The following SYNE1 variants were observed in gnomAD, a reference collection of about 807,000 sequenced individuals.
The protein encoded by SYNE1 is spectrin repeat containing nuclear envelope protein 1.
Under a neutral mutation model 1,111.0 loss-of-function variants are expected in SYNE1, and 616 were observed. The observed-to-expected ratio is 0.55, with a 90% CI of 0.52 to 0.59. The LOEUF (loss-of-function observed/expected upper bound fraction) is 0.59. SYNE1 is among the 20% of genes least tolerant of loss of function. The pLI is 0.00. For missense variants in SYNE1, 10,006 were observed against 10,417.0 expected (o/e 0.96, Z 1.72); for synonymous variants, 3,855 against 3,825.8 (o/e 1.01, Z -0.28).
chr6:152,607,833 C>A (rs990326204), intron 3 of SYNE1, among the ~76,000 whole-genome samples: 1 of 152,178 alleles, frequency 6.6e-6, no homozygotes, highest in African/African-American at 2.4e-5. Context: ...TACATATACA[C>A]CATGGAATGC....
chr6:152,461,587 A>C lies in SYNE1; in HGVS notation c.2394+10T>G, dbSNP rs1199237484. The C allele has an allele frequency of 6.2e-7, 1 of 1,613,848 alleles. No individual in the cohort carries two copies. Among genetic ancestry groups the C allele is most frequent in the Non-Finnish European group, 8.5e-7 (1 of 1,179,888 alleles). On this transcript the variant is annotated intron_variant, in intron 21 of 145. Coordinates refer to ENST00000367255, the MANE Select transcript of SYNE1 (RefSeq NM_182961.4). ...CACACAGCCTATTGTGCATTAAATT[A>C]TTTTCGCACCTTGGTTAGCTGCTCT...
At chr6:152,595,841 T>C (rs1174953892) in intron 3 of SYNE1, among the ~76,000 whole-genome samples, 5 of 152,160 alleles carry the variant, frequency 3.3e-5, no homozygotes, top group Non-Finnish European at 7.3e-5. Context: ...GTTGGGTCTA[T>C]GTTCTCTAAG....
At chr6:152,539,834 A>C (rs548722023) in intron 4 of SYNE1, 126 bp downstream of exon 4, 5 of 1,086,524 alleles carry the variant, frequency 4.6e-6, no homozygotes, top group Middle Eastern at 2.0e-4. Context: ...AGACCAACCA[A>C]TAAGATTACA....
In SYNE1 at chr6:152,321,842, T is replaced by C. The variant is rs756393345; in HGVS notation, c.15962A>G (p.Glu5321Gly). 6.2e-7 allele frequency: 1 copy of C among 1,614,096 alleles called. No homozygotes were observed. The highest frequency in any genetic ancestry group is 1.1e-5 in the South Asian group (1 of 91,078). ...CTCCACCATTTCTCGGTCCTTCAGC[T>C]CTTGCTTCACCAACTTTCCATTAGT... ...VKTNGKLVKQ[E>G]LKDREMVETQ... is the part of the protein sequence containing the mutation. Residue 5321 changes from glutamate (E) to glycine (G), a missense_variant, in exon 83 of 146, where the codon GAG becomes GGG. Transcript: ENST00000367255.
intron 3 of SYNE1, among the ~76,000 whole-genome samples, chr6:152,576,920 G>A (rs1337175166): frequency 6.6e-6 from 1 of 152,186 alleles, no homozygotes; most frequent in Non-Finnish European, 1.5e-5. Flanking sequence ...AAAATAGATT[G>A]GGGTCTAAAG....
intron 32 of SYNE1, among the ~76,000 whole-genome samples, chr6:152,437,916 TC>T (rs1252840190): frequency 6.6e-6 from 1 of 152,180 alleles, no homozygotes; most frequent in Non-Finnish European, 1.5e-5. Context: ...GACTTAATGT[TC>T]TCATAGAAAT....
chr6:152,125,660 C>G (rs2053149776), intron 145 of SYNE1: 1 of 249,524 alleles, frequency 4.0e-6, no homozygotes, highest in Non-Finnish European at 7.6e-6. Context: ...AAGAGAGCTC[C>G]CACAATTCCT....
At chr6:152,133,172 T>C (rs2056262506) in intron 143 of SYNE1, 104 bp downstream of exon 143, 2 of 1,113,640 alleles carry the variant, frequency 1.8e-6, no homozygotes, top group Middle Eastern at 2.5e-4. Flanking sequence ...AGACACTCCA[T>C]TCTGACAAGT....
chr6:152,262,128 T>A lies in SYNE1; in HGVS notation c.18876A>T (p.Glu6292Asp). 1 of 1,613,696 alleles carries A rather than the reference T, an allele frequency of 6.2e-7. No homozygotes were observed. Among genetic ancestry groups the A allele is most frequent in the Non-Finnish European group, 8.5e-7 (1 of 1,179,690 alleles). Residue 6292 changes from glutamate (E) to aspartate (D), a missense_variant, in exon 101 of 146, where the codon GAA (glutamate) becomes GAT (aspartate). This residue lies in a region of SYNE1 where 2,182 missense variants were observed against 2,287.8 expected (regional missense o/e 0.95). Transcript: ENST00000367255. Reference sequence around the variant, plus strand: ...TTTCCCATTTCATTCTCATCTGGTCTTCAGCGGATGATTTCTCCCCTTCCA... The same window carrying A: ...TTTCCCATTTCATTCTCATCTGGTCATCAGCGGATGATTTCTCCCCTTCCA... Reference protein sequence around the residue: ...LGMEGEKSSAEDQMRMKWESL... With the variant: ...LGMEGEKSSADDQMRMKWESL...
chr6:152,575,273 T>C (rs1214975344), intron 3 of SYNE1, among the ~76,000 whole-genome samples: 2 of 152,242 alleles, frequency 1.3e-5, no homozygotes, highest in Admixed American at 6.5e-5. Flanking sequence ...GAAGCTTTTA[T>C]TTAGTGGTCT....
rs921565596 is a variant in SYNE1 at position 152,266,131 on chromosome 6, A to C, written c.18815+1925T>G. 1.1e-4 allele frequency among the ~76,000 whole-genome samples: 16 copies of C among 152,308 alleles called. No individual in the cohort carries two copies. The South Asian group carries it at 3.3e-3, about 32-fold the overall frequency. ...TAAAGAATTTATAAGTAGTCTTTAA[A>C]GTGGATCTTATATAGAAAGCCAGTA... On this transcript the variant is annotated intron_variant, in intron 100 of 145. Coordinates refer to ENST00000367255, the MANE Select transcript of SYNE1 (RefSeq NM_182961.4).
intron 45 of SYNE1, 70 bp downstream of exon 45, chr6:152,406,944 C>CTTT (rs549447851): frequency 2.2e-5 from 21 of 967,710 alleles, no homozygotes; most frequent in South Asian, 2.6e-5. Flanking sequence ...TTAAGAAAGA[C>CTTT]TTTTTTTTTT....
At chr6:152,208,241 T>G (rs1281056793) in intron 124 of SYNE1, 35 bp from the exon 125 acceptor site, 3 of 1,592,896 alleles carry the variant, frequency 1.9e-6, no homozygotes, top group Non-Finnish European at 1.7e-6. Flanking sequence ...AAAAAAGCAC[T>G]GTTATCTTGG....
chr6:152,627,297 C>A (rs1376441423), intron 3 of SYNE1, among the ~76,000 whole-genome samples: 2 of 152,040 alleles, frequency 1.3e-5, no homozygotes, highest in Non-Finnish European at 2.9e-5. Context: ...AGAAAATTGA[C>A]AATTAGAATC....
At position 152,636,187 on chromosome 6, in the gene SYNE1, C is replaced by CA. The variant is rs138453408; in HGVS notation, c.-224+450dup. Among the ~76,000 whole-genome samples, 808 of 152,260 alleles carry CA rather than the reference C, an allele frequency of 5.3e-3. 6 individuals are homozygous for CA. The highest frequency in any genetic ancestry group is 0.018 in the African/African-American group (766 of 41,542). ...CGCGCCAGGGCCTCCGCGCAGCCTT[C>CA]AAGCCATTTCCCTCCCCCAGCCCTT... On this transcript the variant is annotated intron_variant, in intron 2 of 145. Coordinates refer to ENST00000367255, the MANE Select transcript of SYNE1 (RefSeq NM_182961.4).
Position 152,148,189 on chromosome 6 carries a change from C to T in SYNE1, c.24832G>A (p.Val8278Met), listed in dbSNP as rs200663180. Residue 8278 changes from valine to methionine, a missense_variant, in exon 137 of 146, where the codon GTG (valine) becomes ATG (methionine). Val to Met is a conservative substitution (Grantham distance 21). Coordinates refer to ENST00000367255, the MANE Select transcript of SYNE1 (RefSeq NM_182961.4). The surrounding 1 kb of genome is among the most constrained non-coding windows in gnomAD (Gnocchi z 4.1). The stretch of plus-strand genomic sequence containing the variant: ...TCCCACTCCAGGGGGATGGAGTCCA[C>T]ACTAGCCGGGGTGTCTCGTCCTGAC... ...ERSGRDTPAS[V>M]DSIPLEWDHD... 19 of 1,614,078 alleles carry T rather than the reference C, an allele frequency of 1.2e-5. No individual in the cohort carries two copies. The highest frequency in any genetic ancestry group is 1.5e-5 in the Non-Finnish European group (18 of 1,180,054).
chr6:152,551,465 T>C (rs2099346470), intron 3 of SYNE1, among the ~76,000 whole-genome samples: 1 of 152,162 alleles, frequency 6.6e-6, no homozygotes, highest in African/African-American at 2.4e-5. Flanking sequence ...GCCCCTCACA[T>C]GTACCAGCCG....
intron 36 of SYNE1, among the ~76,000 whole-genome samples, chr6:152,429,889 A>G (rs929393146): frequency 2.0e-5 from 3 of 152,246 alleles, no homozygotes; most frequent in Admixed American, 2.0e-4. Context: ...AATGTATTTG[A>G]AATGAATACT....
intron 88 of SYNE1, 68 bp downstream of exon 88, chr6:152,310,620 T>C: frequency 6.2e-7 from 1 of 1,610,068 alleles, no homozygotes; most frequent in Non-Finnish European, 8.5e-7. Flanking sequence ...ACTATTTCCA[T>C]AGTGGCATTG....
Sources: allele counts gnomAD v4.1 joint callset (sites outside exome capture counted in the v4.1 genomes callset), GRCh38; gene constraint gnomAD v4.1.1; regional missense constraint gnomAD v4.1.1; non-coding constraint Gnocchi (gnomAD v3.1); transcripts MANE v1.5; gene names NCBI Gene and HGNC (gene_info 2026-07-23, HGNC 2026-07-21).